The following MEGF11 variants were observed in gnomAD, a reference collection of about 807,000 sequenced individuals.
MEGF11 encodes the protein multiple epidermal growth factor-like domains protein 11.
Under a neutral mutation model 146.6 loss-of-function variants are expected in MEGF11, and 126 were observed. That is an observed-to-expected ratio of 0.86 (90% CI 0.74 to 1.00). MEGF11 has a LOEUF of 1.00. Ranked by LOEUF, MEGF11 falls within the 50% of genes least tolerant of loss-of-function variation. The pLI, the probability that MEGF11 is intolerant of heterozygous loss-of-function variation, is 0.00. For missense variants in MEGF11, 1,509 were observed against 1,521.2 expected (o/e 0.99, Z 0.13); for synonymous variants, 532 against 583.4 (o/e 0.91, Z 1.27).
rs115770468 is a variant in MEGF11 at position 66,134,881 on chromosome 15, G to T, written c.-8-6470C>A. ...AGTCCAACACCTCATCCTCTAGGAG[G>T]GGAAACTGTTCCCTGAAAGGGAGGT... On this transcript the variant is annotated intron_variant, in intron 1 of 25. Coordinates refer to ENST00000395614, the MANE Select transcript of MEGF11 (RefSeq NM_001385028.1). 4.9e-3 allele frequency among the ~76,000 whole-genome samples: 744 copies of T among 152,368 alleles called. 6 individuals are homozygous for T. The highest frequency in any genetic ancestry group is 0.017 in the African/African-American group (707 of 41,584).
At chr15:66,097,430 G>T (rs2140716303) in intron 4 of MEGF11, among the ~76,000 whole-genome samples, 1 of 152,332 alleles carries the variant, frequency 6.6e-6, no homozygotes, top group East Asian at 1.9e-4. Context: ...AGCTCTTTCA[G>T]ACCACAGACC....
intron 1 of MEGF11, among the ~76,000 whole-genome samples, chr15:66,194,739 G>A (rs930832475): frequency 4.6e-5 from 7 of 152,044 alleles, no homozygotes; most frequent in African/African-American, 1.7e-4. Context: ...GGTGACGGGT[G>A]CACCCAAATC....
intron 1 of MEGF11, among the ~76,000 whole-genome samples, chr15:66,131,374 C>T (rs952020137): frequency 6.6e-5 from 10 of 152,276 alleles, no homozygotes; most frequent in Non-Finnish European, 1.0e-4. Context: ...AGCTGCAGTG[C>T]ACTTGAGGAC....
At chr15:65,956,303 C>A (rs1477961644) in intron 10 of MEGF11, among the ~76,000 whole-genome samples, 1 of 152,168 alleles carries the variant, frequency 6.6e-6, no homozygotes, top group Non-Finnish European at 1.5e-5. Context: ...AACCTCAGGC[C>A]CCATCCCAGA....
chr15:66,151,195 C>T (rs1350350419), intron 1 of MEGF11, among the ~76,000 whole-genome samples: 2 of 152,172 alleles, frequency 1.3e-5, no homozygotes, highest in East Asian at 3.9e-4. Flanking sequence ...ATGCGGAAAG[C>T]CACAAAGCCC....
chr15:66,214,005 A>C (rs16949699), intron 1 of MEGF11, among the ~76,000 whole-genome samples: 18,238 of 148,170 alleles, frequency 0.12, 1,405 homozygotes, highest in African/African-American at 0.22. Flanking sequence ...AGAAGCAGTT[A>C]GATATGCCCA....
intron 5 of MEGF11, among the ~76,000 whole-genome samples, chr15:66,068,097 A>G (rs568345266): frequency 4.6e-5 from 7 of 152,328 alleles, no homozygotes; most frequent in Admixed American, 4.6e-4. Flanking sequence ...ATGGAAAAAT[A>G]AAAACCCCTG....
At chr15:66,238,265 C>G (rs2092138697) in intron 1 of MEGF11, among the ~76,000 whole-genome samples, 1 of 152,232 alleles carries the variant, frequency 6.6e-6, no homozygotes, top group South Asian at 2.1e-4. Flanking sequence ...CTGCCCACCC[C>G]AGTCCACAGA....
chr15:66,141,309 A>AGG (rs1466995978), intron 1 of MEGF11, among the ~76,000 whole-genome samples: 1 of 141,528 alleles, frequency 7.1e-6, no homozygotes, highest in Admixed American at 7.1e-5. Context: ...AGAGAGAGAG[A>AGG]CAGGGATAGG....
At chr15:65,928,908 A>G (rs920059333) in intron 12 of MEGF11, among the ~76,000 whole-genome samples, 15 of 152,238 alleles carry the variant, frequency 9.9e-5, no homozygotes, top group African/African-American at 3.6e-4. Context: ...CACATTGATC[A>G]TCTGTGAGGA....
intron 1 of MEGF11, among the ~76,000 whole-genome samples, chr15:66,153,720 C>T (rs1267281081): frequency 6.6e-6 from 1 of 152,196 alleles, no homozygotes; most frequent in African/African-American, 2.4e-5. Context: ...GCAGGAGGCA[C>T]CCAGAGCATG....
chr15:65,955,823 A>AATATATATAAATATATATT lies in MEGF11; in HGVS notation c.1287+1723_1287+1724insAATATATATTTATATATAT, dbSNP rs71139451. The stretch of plus-strand genomic sequence containing the variant: ...ACACACACACACACACAATACTTTA[A>AATATATATAAATATATATT]ATATATAACATGTAATCAATATAAC... On this transcript the variant is annotated intron_variant, in intron 10 of 25. Transcript: ENST00000395614. Among the ~76,000 whole-genome samples the AATATATATAAATATATATT allele has an allele frequency of 9.0e-4, 36 of 40,202 alleles. 2 individuals carry two copies. The highest frequency in any genetic ancestry group is 2.1e-3 in the Admixed American group (5 of 2,378). 26.4% of individuals were successfully genotyped at this position (40,202 alleles called of 152,430 possible).
intron 5 of MEGF11, among the ~76,000 whole-genome samples, chr15:66,067,580 T>C (rs2085187786): frequency 6.6e-6 from 1 of 152,232 alleles, no homozygotes; most frequent in Admixed American, 6.5e-5. Context: ...CCCTTTGCCT[T>C]TGGCCAACCA....
intron 10 of MEGF11, among the ~76,000 whole-genome samples, chr15:65,949,156 TCTCA>T (rs1476150975): frequency 6.6e-6 from 1 of 152,204 alleles, no homozygotes; most frequent in African/African-American, 2.4e-5. Context: ...GTCACACTTC[TCTCA>T]CTCCCTAGTT....
rs1287001732 is a variant in MEGF11, at chr15:66,025,973, T to G, written c.395-43485A>C. On this transcript the variant is annotated intron_variant, in intron 5 of 25. Transcript: ENST00000395614. Reference sequence around the variant, plus strand: ...TCAGGAGAGAAAGGCCTGACCAGCATCGGTTAGAACATCCCGGACTAGTGG... The same window carrying G: ...TCAGGAGAGAAAGGCCTGACCAGCAGCGGTTAGAACATCCCGGACTAGTGG... Among the ~76,000 whole-genome samples, 2 of 152,186 alleles carry G rather than the reference T, an allele frequency of 1.3e-5. 1 individual carries two copies. Among genetic ancestry groups the G allele is most frequent in the African/African-American group, 4.8e-5 (2 of 41,448 alleles).
chr15:66,149,338 C>T (rs767435751), intron 1 of MEGF11, among the ~76,000 whole-genome samples: 6 of 152,320 alleles, frequency 3.9e-5, no homozygotes, highest in East Asian at 1.9e-4. Context: ...TGGCCTTGAC[C>T]GTCACTTGAT....
chr15:66,007,477 T>C (rs2082553990), intron 5 of MEGF11, among the ~76,000 whole-genome samples: 1 of 152,086 alleles, frequency 6.6e-6, no homozygotes, highest in African/African-American at 2.4e-5. Flanking sequence ...AGGCTGGGTG[T>C]GGTGGCTCAC....
At chr15:66,217,769 A>G (rs951717244) in intron 1 of MEGF11, among the ~76,000 whole-genome samples, 1 of 152,234 alleles carries the variant, frequency 6.6e-6, no homozygotes, top group African/African-American at 2.4e-5. Context: ...CCACACAGCC[A>G]GTCCCTGGCA....
chr15:65,978,047 G>T (rs1391441235), intron 7 of MEGF11, among the ~76,000 whole-genome samples: 4 of 152,234 alleles, frequency 2.6e-5, no homozygotes, highest in Admixed American at 2.6e-4. Context: ...AGGGCCTGGT[G>T]GCCAGGAATC....
Sources: allele counts gnomAD v4.1 joint callset (sites outside exome capture counted in the v4.1 genomes callset), GRCh38; gene constraint gnomAD v4.1.1; transcripts MANE v1.5; gene names NCBI Gene and HGNC (gene_info 2026-07-23, HGNC 2026-07-21).